LCN10: variants seen among roughly 807,000 people sequenced by gnomAD.
LCN10 encodes epididymal-specific lipocalin-10.
A neutral mutation model predicts 25.1 loss-of-function variants in LCN10; 18 were observed. The ratio of observed to expected loss-of-function variants is 0.72; its 90% confidence interval spans 0.50 to 1.06. The LOEUF is 1.06. Among genes scored for constraint, LCN10 ranks in the 50% least tolerant of loss-of-function variants. LCN10 has a pLI of 0.00. For synonymous variants in LCN10, 130 were observed against 116.7 expected, an observed-to-expected ratio of 1.11 and a Z score of -0.73; for missense variants, 257 against 258.9, an observed-to-expected ratio of 0.99 and a Z score of 0.05.
chr9:136,741,455 C>T (rs903997099), intron 2 of LCN10, 94 bp from the exon 3 acceptor site: 3 of 1,026,448 alleles, frequency 2.9e-6, no homozygotes, highest in Non-Finnish European at 4.4e-6. Flanking sequence ...CGGTCCCGCC[C>T]CTGCTCCCGT....
Position 136,740,093 on chromosome 9 carries a change from AT to A in LCN10, c.476-46del. The A allele has an allele frequency of 1.5e-6, 2 of 1,318,482 alleles. No homozygotes were observed. The highest frequency in any genetic ancestry group is 2.1e-6 in the Non-Finnish European group (2 of 934,022). 81.7% of individuals were successfully genotyped at this position (1,318,482 alleles called of 1,614,324 possible). A position where few individuals can be genotyped will look rare whatever the true frequency, so the allele number is the denominator to read the frequency against. The stretch of plus-strand genomic sequence containing the variant: ...CACATCAGAGACTCCAGCTCTGGCC[AT>A]TTTAGGGTCTGCACCCTGACCCCCA... On this transcript the variant is annotated intron_variant, in intron 4 of 5. Transcript: ENST00000497771. This position sits in a 1 kb window ranked among gnomAD's most constrained non-coding sequence, Gnocchi z 5.3.
chr9:136,741,725 C>T, intron 2 of LCN10, 156 bp downstream of exon 2: 2 of 1,042,506 alleles, frequency 1.9e-6, no homozygotes, highest in East Asian at 2.6e-5. Context: ...CCAGGGGCTG[C>T]AGGTGGCTTC....
In LCN10 at chr9:136,739,498, A is replaced by G; in HGVS notation, c.*27T>C. On this transcript the variant is annotated 3_prime_UTR_variant, in exon 6 of 6. Transcript: ENST00000497771. This position sits in a 1 kb window ranked among gnomAD's most constrained non-coding sequence, Gnocchi z 6.1. ...TCGGGTCTGGGAGGACCACGCGTCG[A>G]AAGGGAAGAGCAGAGGACGCTGGCT... The G allele has an allele frequency of 6.3e-7, 1 of 1,591,330 alleles. No individual in the cohort carries two copies.
intron 3 of LCN10, 58 bp from the exon 4 acceptor site, chr9:136,741,001 C>T (rs1002283287): frequency 1.4e-6 from 2 of 1,446,880 alleles, no homozygotes; most frequent in Admixed American, 1.8e-5. Flanking sequence ...TGTGCCCGCC[C>T]ACAGCCCTGA....
chr9:136,742,119 T>A, intron 1 of LCN10, 99 bp from the exon 2 acceptor site: 1 of 1,465,522 alleles, frequency 6.8e-7, no homozygotes, highest in Non-Finnish European at 9.2e-7. Flanking sequence ...AAATGACCCT[T>A]CTGTGAGCCG....
rs540255618 is a variant in LCN10 at position 136,739,761 on chromosome 9, C to T, written c.574+189G>A. ...ATCTGCTCCGGACGCCTCTCGCTGT[C>T]GGTGCCAGGCCTGCCAGGCCAAGCC... On this transcript the variant is annotated intron_variant, in intron 5 of 5. Coordinates refer to ENST00000497771, the MANE Select transcript of LCN10 (RefSeq NM_001001712.3). The surrounding 1 kb of genome is among the most constrained non-coding windows in gnomAD (Gnocchi z 6.1). 2.8e-5 allele frequency: 21 copies of T among 739,068 alleles called. No homozygotes were observed. The highest frequency in any genetic ancestry group is 1.5e-4 in the Admixed American group (7 of 45,936). 45.8% of individuals were successfully genotyped at this position (739,068 alleles called of 1,614,324 possible).
rs1023447928 is a variant in LCN10 at position 136,742,152 on chromosome 9, C to T, written c.118-132G>A. The T allele has an allele frequency of 4.2e-5, 49 of 1,162,720 alleles. No homozygotes were observed. The African/African-American group carries it at 6.1e-4, about 15-fold the overall frequency. The allele number at this position is 1,162,720 out of a possible 1,614,324, so 72.0% of individuals were successfully genotyped here. The stretch of plus-strand genomic sequence containing the variant: ...CCGGAGTCCCAGCTCCGCCCAGGTG[C>T]CGCCTCGGTCCCGGCCACTCAAGCC... On this transcript the variant is annotated intron_variant, in intron 1 of 5. Coordinates refer to ENST00000497771, the MANE Select transcript of LCN10 (RefSeq NM_001001712.3).
rs1588296711 is a variant in LCN10 at position 136,740,758 on chromosome 9, C to T, written c.475+78G>A. ...CCTGCCCGCCTCACCTCCTGCCCGG[C>T]CCCCTGTGCCCAGCGCCCCTCTATG... is the stretch of plus-strand genomic sequence containing the variant. On this transcript the variant is annotated intron_variant, in intron 4 of 5. Coordinates refer to ENST00000497771, the MANE Select transcript of LCN10 (RefSeq NM_001001712.3). The surrounding 1 kb of genome is among the most constrained non-coding windows in gnomAD (Gnocchi z 5.3). 6 of 1,094,176 alleles carry T rather than the reference C, an allele frequency of 5.5e-6. No homozygotes were observed. Among genetic ancestry groups the T allele is most frequent in the South Asian group, 3.0e-5 (2 of 67,028 alleles). 67.8% of individuals were successfully genotyped at this position (1,094,176 alleles called of 1,614,324 possible).
chr9:136,742,874 C>G lies in LCN10; in HGVS notation c.30G>C (p.Leu10=), dbSNP rs762920275. The stretch of plus-strand genomic sequence containing the variant: ...CCAGCACTAGCACCAGCACCAGCAC[C>G]AGCGCCAGCACCAGCAGCCCCTGCC... The part of the protein sequence containing the change: MRQGLLVLA[L]VLVLVLVLAA... Residue 10 remains leucine (L), a synonymous_variant, in exon 1 of 6, where the codon CTG becomes CTC. Transcript: ENST00000497771. 1.2e-6 allele frequency: 2 copies of G among 1,613,424 alleles called. No homozygotes were observed. The highest frequency in any genetic ancestry group is 1.7e-5 in the Admixed American group (1 of 60,000).
Position 136,738,637 on chromosome 9 carries a change from G to A in LCN10, c.*888C>T, listed in dbSNP as rs117456196. The stretch of plus-strand genomic sequence containing the variant: ...TCACCGCAGCCTTCGAGGTGCCGTG[G>A]TCTGGTGGGCCCCCTCCTGCTCCTC... On this transcript the variant is annotated 3_prime_UTR_variant, in exon 6 of 6. Coordinates refer to ENST00000497771, the MANE Select transcript of LCN10 (RefSeq NM_001001712.3). 0.024 allele frequency: 3,618 copies of A among 152,388 alleles called. 68 individuals carry two copies. The highest frequency in any genetic ancestry group is 0.038 in the Non-Finnish European group (2,601 of 68,074). The allele number at this position is 152,388 out of a possible 1,614,324, so 9.4% of individuals were successfully genotyped here.
In LCN10 at chr9:136,739,010, T is replaced by A. The variant is rs1315847310; in HGVS notation, c.*515A>T. ...GGTGACCACACTGCTGAAGTTGGCT[T>A]CTCCTGATCAGGCATCAACTCTGGG... On this transcript the variant is annotated 3_prime_UTR_variant, in exon 6 of 6. Coordinates refer to ENST00000497771, the MANE Select transcript of LCN10 (RefSeq NM_001001712.3). This position sits in a 1 kb window ranked among gnomAD's most constrained non-coding sequence, Gnocchi z 6.1. The A allele has an allele frequency of 5.4e-6, 1 of 185,420 alleles. No homozygotes were observed. The highest frequency in any genetic ancestry group is 1.1e-5 in the Non-Finnish European group (1 of 88,132). The allele number at this position is 185,420 out of a possible 1,614,324, so 11.5% of individuals were successfully genotyped here.
Position 136,742,631 on chromosome 9 carries a change from G to A in LCN10, c.117+156C>T, listed in dbSNP as rs1846963776. 3.2e-6 allele frequency: 3 copies of A among 949,812 alleles called. No homozygotes were observed. The South Asian group carries it at 5.4e-5, about 17-fold the overall frequency. The allele number at this position is 949,812 out of a possible 1,614,324, so 58.8% of individuals were successfully genotyped here. Reference sequence around the variant, plus strand: ...TTGCCCTGCAACTTGCGGGGCCCCTGTGCTGGAGGCTGCAGTGGGAGAGGC... The same window carrying A: ...TTGCCCTGCAACTTGCGGGGCCCCTATGCTGGAGGCTGCAGTGGGAGAGGC... On this transcript the variant is annotated intron_variant, in intron 1 of 5. Transcript: ENST00000497771.
chr9:136,740,105 G>C lies in LCN10; in HGVS notation c.476-57C>G. On this transcript the variant is annotated intron_variant, in intron 4 of 5. Transcript: ENST00000497771. The surrounding 1 kb of genome is among the most constrained non-coding windows in gnomAD (Gnocchi z 5.3). ...TCCAGCTCTGGCCATTTTAGGGTCTGCACCCTGACCCCCATCCCTACCCCA... is the reference window on the plus strand; with the variant it reads ...TCCAGCTCTGGCCATTTTAGGGTCTCCACCCTGACCCCCATCCCTACCCCA... The C allele has an allele frequency of 8.7e-7, 1 of 1,154,618 alleles. No individual in the cohort carries two copies. Among genetic ancestry groups the C allele is most frequent in the Non-Finnish European group, 1.3e-6 (1 of 784,850 alleles). 71.5% of individuals were successfully genotyped at this position (1,154,618 alleles called of 1,614,324 possible). A position where few individuals can be genotyped will look rare whatever the true frequency, so the allele number is the denominator to read the frequency against.
chr9:136,741,247 C>T lies in LCN10; in HGVS notation c.367+5G>A. The T allele has an allele frequency of 1.2e-6, 2 of 1,612,710 alleles. No individual in the cohort carries two copies. Among genetic ancestry groups the T allele is most frequent in the East Asian group, 4.5e-5 (2 of 44,878 alleles). On this transcript the variant is annotated splice_donor_5th_base_variant and intron_variant, in intron 3 of 5. Coordinates refer to ENST00000497771, the MANE Select transcript of LCN10 (RefSeq NM_001001712.3). The stretch of plus-strand genomic sequence containing the variant: ...GCTCCTCCAGGGCCCAGAGCCCAAG[C>T]ACACCTCCCTCCTGTCCTTCCCTCG...
In LCN10 at chr9:136,740,572, G is replaced by A. The variant is rs912892357; in HGVS notation, c.475+264C>T. On this transcript the variant is annotated intron_variant, in intron 4 of 5. Transcript: ENST00000497771. This position sits in a 1 kb window ranked among gnomAD's most constrained non-coding sequence, Gnocchi z 5.3. ...CACCCAGAACGTTGCACCTGCACCC[G>A]CCACCATCCTGGTGGCCTCCGCTCC... is the stretch of plus-strand genomic sequence containing the variant. 1.8e-5 allele frequency: 9 copies of A among 509,182 alleles called. No homozygotes were observed. The highest frequency in any genetic ancestry group is 7.7e-5 in the African/African-American group (4 of 52,184). The allele number at this position is 509,182 out of a possible 1,614,324, so 31.5% of individuals were successfully genotyped here. A position where few individuals can be genotyped will look rare whatever the true frequency, so the allele number is the denominator to read the frequency against.
rs1050552250 is a variant in LCN10 at position 136,738,950 on chromosome 9, A to G, written c.*575T>C. 1.8e-5 allele frequency: 3 copies of G among 162,736 alleles called. No homozygotes were observed. The highest frequency in any genetic ancestry group is 7.2e-5 in the African/African-American group (3 of 41,538). 10.1% of individuals were successfully genotyped at this position (162,736 alleles called of 1,614,324 possible). A position where few individuals can be genotyped will look rare whatever the true frequency, so the allele number is the denominator to read the frequency against. ...ACACTTCTAGGGTCTATACTCGAGTATCCAGGTGATCTAGGGTCTATACTC... is the reference window on the plus strand; with the variant it reads ...ACACTTCTAGGGTCTATACTCGAGTGTCCAGGTGATCTAGGGTCTATACTC... On this transcript the variant is annotated 3_prime_UTR_variant, in exon 6 of 6. Coordinates refer to ENST00000497771, the MANE Select transcript of LCN10 (RefSeq NM_001001712.3).
In LCN10 at chr9:136,740,320, T is replaced by C; in HGVS notation, c.476-272A>G. ...GCCAGCCCCTCAGCTGTGCCCCAGC[T>C]TGCTGCACCCTGAGCGTGCCCTGCC... On this transcript the variant is annotated intron_variant, in intron 4 of 5. Coordinates refer to ENST00000497771, the MANE Select transcript of LCN10 (RefSeq NM_001001712.3). The surrounding 1 kb of genome is among the most constrained non-coding windows in gnomAD (Gnocchi z 5.3). 3.8e-6 allele frequency: 2 copies of C among 520,112 alleles called. No individual in the cohort carries two copies. The highest frequency in any genetic ancestry group is 7.0e-6 in the Non-Finnish European group (2 of 285,270). The allele number at this position is 520,112 out of a possible 1,614,324, so 32.2% of individuals were successfully genotyped here. A position where few individuals can be genotyped will look rare whatever the true frequency, so the allele number is the denominator to read the frequency against.
rs1846893152 is a variant in LCN10, at chr9:136,739,738, C to T, written c.575-185G>A. ...GGCATCGCCTGGTCGGATGCAGCAT[C>T]TGCTCCGGACGCCTCTCGCTGTCGG... is the stretch of plus-strand genomic sequence containing the variant. On this transcript the variant is annotated intron_variant, in intron 5 of 5. Transcript: ENST00000497771. The surrounding 1 kb of genome is among the most constrained non-coding windows in gnomAD (Gnocchi z 6.1). The T allele has an allele frequency of 4.1e-6, 3 of 728,214 alleles. No individual in the cohort carries two copies. The highest frequency in any genetic ancestry group is 3.4e-5 in the South Asian group (2 of 59,144). The allele number at this position is 728,214 out of a possible 1,614,324, so 45.1% of individuals were successfully genotyped here. A position where few individuals can be genotyped will look rare whatever the true frequency, so the allele number is the denominator to read the frequency against.
chr9:136,740,197 G>T lies in LCN10; in HGVS notation c.476-149C>A, dbSNP rs748016349. The T allele has an allele frequency of 1.7e-5, 11 of 658,618 alleles. No individual in the cohort carries two copies. The highest frequency in any genetic ancestry group is 3.6e-5 in the African/African-American group (2 of 55,766). The allele number at this position is 658,618 out of a possible 1,614,324, so 40.8% of individuals were successfully genotyped here. A position where few individuals can be genotyped will look rare whatever the true frequency, so the allele number is the denominator to read the frequency against. On this transcript the variant is annotated intron_variant, in intron 4 of 5. Coordinates refer to ENST00000497771, the MANE Select transcript of LCN10 (RefSeq NM_001001712.3). The surrounding 1 kb of genome is among the most constrained non-coding windows in gnomAD (Gnocchi z 5.3). Reference sequence around the variant, plus strand: ...GGTTGGCCAGGGGAGGACAGCGGCCGCTGGGCCCCTCCCCACTTACGAGGC... The same window carrying T: ...GGTTGGCCAGGGGAGGACAGCGGCCTCTGGGCCCCTCCCCACTTACGAGGC...
Sources: allele counts gnomAD v4.1 joint callset, GRCh38; gene constraint gnomAD v4.1.1; non-coding constraint Gnocchi (gnomAD v3.1); transcripts MANE v1.5; gene names NCBI Gene and HGNC (gene_info 2026-07-23, HGNC 2026-07-21).